SH3TC1: variants seen among roughly 807,000 people sequenced by gnomAD.
SH3TC1 encodes the protein SH3 domain and tetratricopeptide repeats 1.
SH3TC1 carries 135 observed loss-of-function variants against 117.3 expected under a neutral mutation model. That is an observed-to-expected ratio of 1.15 (90% CI 1.00 to 1.33). SH3TC1 has a LOEUF of 1.33. Ranked by LOEUF, SH3TC1 falls within the 40% of genes most tolerant of loss-of-function variation. The probability of loss-of-function intolerance (pLI) is 0.00; values close to 1 mark genes in which losing one functional copy is unlikely to be tolerated. For missense variants in SH3TC1, 2,092 were observed against 1,794.3 expected (o/e 1.17, Z -3.00); for synonymous variants, 898 against 816.9 (o/e 1.10, Z -1.69).
intron 12 of SH3TC1, chr4:8,231,639 C>T (rs971771442): frequency 9.7e-6 from 3 of 308,894 alleles, no homozygotes; most frequent in South Asian, 7.2e-5. Context: ...GTTCCATCTG[C>T]GACAGGGGCT....
rs774700153 is a variant in SH3TC1, at chr4:8,240,737, G to A, written c.3793G>A (p.Ala1265Thr). 1.9e-6 allele frequency: 3 copies of A among 1,613,700 alleles called. No individual in the cohort carries two copies. Among genetic ancestry groups the A allele is most frequent in the East Asian group, 4.5e-5 (2 of 44,890 alleles). The change falls in exon 18 of 18, where the codon GCA (alanine) becomes ACA (threonine). Residue 1265 changes from alanine to threonine, a missense_variant. Physicochemically the swap from Ala to Thr is moderately conservative, Grantham distance 58. Transcript: ENST00000245105. ...DAAGYYQLAL[A>T]AAVDLGNKKA... ...AGCCGGGTACTACCAGCTGGCGCTG[G>A]CAGCCGCCGTGGACCTGGGCAACAA...
At position 8,216,195 on chromosome 4, in the gene SH3TC1, T is replaced by C; in HGVS notation, c.566T>C (p.Ile189Thr). The change falls in exon 6 of 18, where the codon ATC becomes ACC. Residue 189 changes from isoleucine to threonine, a missense_variant. By Grantham distance (89) the Ile-to-Thr change is moderately conservative. Coordinates refer to ENST00000245105, the MANE Select transcript of SH3TC1 (RefSeq NM_018986.5). ...LLPSEEEETA[I>T]QVHVDENALR... ...CCCAGTGAGGAGGAGGAGACGGCCA[T>C]CCAAGTCCATGTGGATGAGAACGCC... 3 of 1,613,838 alleles carry C rather than the reference T, an allele frequency of 1.9e-6. No individual in the cohort carries two copies. The highest frequency in any genetic ancestry group is 3.4e-4 in the Middle Eastern group (2 of 5,904).
chr4:8,196,694 G>A (rs956007046), upstream of SH3TC1, among the ~76,000 whole-genome samples: 9 of 152,152 alleles, frequency 5.9e-5, no homozygotes, highest in Admixed American at 2.0e-4. This position sits in a 1 kb window ranked among gnomAD's most constrained non-coding sequence, Gnocchi z 4.6. Context: ...TGGGGGCTGG[G>A]CAGGAAGAAA....
At chr4:8,222,702 A>G in intron 9 of SH3TC1, 138 bp from the exon 10 acceptor site, 1 of 1,085,132 alleles carries the variant, frequency 9.2e-7, no homozygotes, top group Non-Finnish European at 1.3e-6. Flanking sequence ...TTGTTTTTAA[A>G]TCTCTGTCTC....
chr4:8,209,373 C>T lies in SH3TC1; in HGVS notation c.173-375C>T, dbSNP rs1050643420. 7.2e-5 allele frequency among the ~76,000 whole-genome samples: 11 copies of T among 152,154 alleles called. No homozygotes were observed. Among genetic ancestry groups the T allele is most frequent in the South Asian group, 2.1e-4 (1 of 4,812 alleles). On this transcript the variant is annotated intron_variant, in intron 2 of 17. Coordinates refer to ENST00000245105, the MANE Select transcript of SH3TC1 (RefSeq NM_018986.5). The surrounding 1 kb of genome is among the most constrained non-coding windows in gnomAD (Gnocchi z 5.9). ...GGAAGTAGAAGTGGCGGCCACAAGC[C>T]GAGGGACGTGTGCGGCCTCTTGAAG... is the stretch of plus-strand genomic sequence containing the variant.
chr4:8,204,347 A>G (rs1334585178), intron 1 of SH3TC1, among the ~76,000 whole-genome samples: 1 of 152,170 alleles, frequency 6.6e-6, no homozygotes, highest in Non-Finnish European at 1.5e-5. Context: ...GGGGCAGCAG[A>G]GCCTGTATTA....
chr4:8,202,218 G>T (rs1374487690), intron 1 of SH3TC1, among the ~76,000 whole-genome samples: 3 of 152,194 alleles, frequency 2.0e-5, no homozygotes, highest in African/African-American at 7.2e-5. Context: ...GGAGGAGAAA[G>T]CAAAGTCCGA....
upstream of SH3TC1, among the ~76,000 whole-genome samples, chr4:8,196,227 G>A (rs879808128): frequency 8.5e-5 from 13 of 152,188 alleles, no homozygotes; most frequent in Non-Finnish European, 1.9e-4. This position sits in a 1 kb window ranked among gnomAD's most constrained non-coding sequence, Gnocchi z 4.6. Flanking sequence ...GTCCCCACCC[G>A]CCTGACACCC....
chr4:8,236,634 C>A lies in SH3TC1; in HGVS notation c.3556+206C>A, dbSNP rs922520. 1,474 of 544,414 alleles carry A rather than the reference C, an allele frequency of 2.7e-3. 25 individuals are homozygous for A. The highest frequency in any genetic ancestry group is 0.025 in the African/African-American group (1,285 of 50,788). The allele number at this position is 544,414 out of a possible 1,614,324, so 33.7% of individuals were successfully genotyped here. On this transcript the variant is annotated intron_variant, in intron 16 of 17. Transcript: ENST00000245105. Reference sequence around the variant, plus strand: ...GTGCAGAGCTCCCTGCCTGGCTGAGCTCTGCTTCCTGTGCCTCTTCCCCCT... The same window carrying A: ...GTGCAGAGCTCCCTGCCTGGCTGAGATCTGCTTCCTGTGCCTCTTCCCCCT...
At chr4:8,234,964 T>G (rs925667841) in intron 14 of SH3TC1, among the ~76,000 whole-genome samples, 34 of 152,214 alleles carry the variant, frequency 2.2e-4, no homozygotes, top group Admixed American at 1.3e-4. Flanking sequence ...CTGGTGAAGC[T>G]TTTGTTTTTG....
At chr4:8,239,883 TG>T (rs1353315685) in intron 17 of SH3TC1, among the ~76,000 whole-genome samples, 1 of 152,152 alleles carries the variant, frequency 6.6e-6, no homozygotes, top group Non-Finnish European at 1.5e-5. Context: ...TCGGTGGGGC[TG>T]GGGGGCGTTG....
At chr4:8,198,432 C>T (rs927476297), upstream of SH3TC1, among the ~76,000 whole-genome samples, 3 of 152,228 alleles carry the variant, frequency 2.0e-5, no homozygotes, top group South Asian at 2.1e-4. Flanking sequence ...ACACCCACCA[C>T]GTGGGTGCTC....
chr4:8,236,885 C>T (rs1721868365), intron 16 of SH3TC1: 2 of 165,524 alleles, frequency 1.2e-5, no homozygotes, highest in African/African-American at 4.8e-5. Flanking sequence ...CGTCTGTCCT[C>T]TAGAGAGAGG....
At chr4:8,182,897 G>A (rs1717116825) in intron 1 of SH3TC1, among the ~76,000 whole-genome samples, 2 of 152,208 alleles carry the variant, frequency 1.3e-5, no homozygotes, top group South Asian at 2.1e-4. Context: ...CATGGGGCCA[G>A]GGTTCCCACC....
intron 14 of SH3TC1, among the ~76,000 whole-genome samples, chr4:8,234,606 T>C (rs1308837510): frequency 6.6e-6 from 1 of 152,078 alleles, no homozygotes; most frequent in Non-Finnish European, 1.5e-5. Context: ...CATCCATCCA[T>C]GTACCTATAC....
At chr4:8,212,131 C>A (rs1718795653) in intron 3 of SH3TC1, among the ~76,000 whole-genome samples, 1 of 151,996 alleles carries the variant, frequency 6.6e-6, no homozygotes, top group African/African-American at 2.4e-5. Flanking sequence ...GGGCCCTCTG[C>A]CCTCTGAGAG....
chr4:8,187,544 C>A (rs994844797), intron 1 of SH3TC1, among the ~76,000 whole-genome samples: 3 of 150,156 alleles, frequency 2.0e-5, no homozygotes, highest in African/African-American at 7.4e-5. Context: ...TATTTGTTTT[C>A]TTTTCTTTTC....
chr4:8,197,812 T>C (rs1717610850), upstream of SH3TC1, among the ~76,000 whole-genome samples: 1 of 152,200 alleles, frequency 6.6e-6, no homozygotes, highest in Admixed American at 6.5e-5. Context: ...ACTTGAGGGC[T>C]CACCGTGCAG....
In SH3TC1 at chr4:8,192,683, G is replaced by T. The variant is rs1457344416; in HGVS notation, c.-57+10473G>T. The stretch of plus-strand genomic sequence containing the variant: ...TAATTTTTGTATTTTTAGTAGAGGT[G>T]GGGTTTCACTGTGTTGGTCAGGCTG... On this transcript the variant is annotated intron_variant, in intron 1 of 16. Transcript: ENST00000508641. This position sits in a 1 kb window ranked among gnomAD's most constrained non-coding sequence, Gnocchi z 4.1. Among the ~76,000 whole-genome samples the T allele has an allele frequency of 6.6e-6, 1 of 151,898 alleles. No individual in the cohort carries two copies. Among genetic ancestry groups the T allele is most frequent in the Non-Finnish European group, 1.5e-5 (1 of 67,988 alleles).
Sources: allele counts gnomAD v4.1 joint callset (sites outside exome capture counted in the v4.1 genomes callset), GRCh38; gene constraint gnomAD v4.1.1; non-coding constraint Gnocchi (gnomAD v3.1); transcripts MANE v1.5; gene names NCBI Gene and HGNC (gene_info 2026-07-23, HGNC 2026-07-21).